The following DYM variants were observed in gnomAD, a reference collection of about 807,000 sequenced individuals.
The protein encoded by DYM is dymeclin.
Under a neutral mutation model 93.1 loss-of-function variants are expected in DYM, and 78 were observed. The ratio of observed to expected loss-of-function variants is 0.84; its 90% CI spans 0.70 to 1.01. The LOEUF (loss-of-function observed/expected upper bound fraction) is 1.01. Ranked by LOEUF, DYM falls within the 50% of genes least tolerant of loss-of-function variation. The pLI, the probability that DYM is intolerant of heterozygous loss-of-function variation, is 0.00. For synonymous variants in DYM, 321 were observed against 319.7 expected (o/e 1.00, Z -0.04); for missense variants, 789 against 845.0 (o/e 0.93, Z 0.82).
chr18:49,399,931 TTTC>T lies in DYM; in HGVS notation c.141-8289_141-8287del, dbSNP rs1388064820. Among the ~76,000 whole-genome samples, 476 of 131,322 alleles carry T rather than the reference TTTC, an allele frequency of 3.6e-3. 2 individuals are homozygous for T. Among genetic ancestry groups the T allele is most frequent in the African/African-American group, 0.011 (401 of 35,602 alleles). 86.2% of individuals were successfully genotyped at this position (131,322 alleles called of 152,430 possible). A position where few individuals can be genotyped will look rare whatever the true frequency, so the allele number is the denominator to read the frequency against. ...TTTTTAAAAGACATTTATTTTTATT[TTTC>T]TTTTTTTTTTTTTTTTTTTTTTTTT... On this transcript the variant is annotated intron_variant, in intron 2 of 17. Coordinates refer to ENST00000675505, the MANE Select transcript of DYM (RefSeq NM_001353214.3).
chr18:49,100,667 A>T lies in DYM; in HGVS notation c.1912-3152T>A, dbSNP rs117289810. Among the ~76,000 whole-genome samples, 258 of 152,336 alleles carry T rather than the reference A, an allele frequency of 1.7e-3. 1 individual carries two copies. The highest frequency in any genetic ancestry group is 3.0e-3 in the Non-Finnish European group (204 of 68,020). On this transcript the variant is annotated intron_variant, in intron 16 of 17. Transcript: ENST00000675505. Reference sequence around the variant, plus strand: ...AAGGGAAGTATAATTTATGTGTCAAAACCGAAGGAAACAAATCTATCCTGA... The same window carrying T: ...AAGGGAAGTATAATTTATGTGTCAATACCGAAGGAAACAAATCTATCCTGA...
At chr18:49,063,661 T>C (rs2076173867) in intron 17 of DYM, among the ~76,000 whole-genome samples, 1 of 150,050 alleles carries the variant, frequency 6.7e-6, no homozygotes, top group African/African-American at 2.5e-5. Flanking sequence ...AGTTTAGCTC[T>C]TGTCGCCCAG....
At chr18:49,232,081 T>C (rs2093710795) in intron 13 of DYM, among the ~76,000 whole-genome samples, 1 of 152,214 alleles carries the variant, frequency 6.6e-6, no homozygotes, top group Admixed American at 6.5e-5. Flanking sequence ...ACATGTGATT[T>C]TCATGTTCCC....
At chr18:49,139,815 C>T (rs1230288967) in intron 15 of DYM, among the ~76,000 whole-genome samples, 1 of 152,162 alleles carries the variant, frequency 6.6e-6, no homozygotes, top group Non-Finnish European at 1.5e-5. Flanking sequence ...TTCCCTTTGA[C>T]TGACAAATTT....
intron 10 of DYM, among the ~76,000 whole-genome samples, chr18:49,273,828 T>C (rs183608164): frequency 2.7e-4 from 41 of 151,966 alleles, no homozygotes; most frequent in African/African-American, 9.4e-4. Flanking sequence ...TTTTTTTTTT[T>C]TTTGGCTACG....
intron 1 of DYM, among the ~76,000 whole-genome samples, chr18:49,446,268 AAG>A (rs538869231): frequency 6.6e-6 from 1 of 151,728 alleles, no homozygotes; most frequent in South Asian, 2.1e-4. Flanking sequence ...CCAAAAGAAA[AAG>A]AGAGAGAGAG....
At chr18:49,398,962 A>G (rs532165181) in intron 2 of DYM, among the ~76,000 whole-genome samples, 20 of 152,340 alleles carry the variant, frequency 1.3e-4, no homozygotes, top group Non-Finnish European at 2.6e-4. Flanking sequence ...CACTTTCTTC[A>G]GTCAATGGCA....
chr18:49,160,744 A>C (rs535687782), intron 15 of DYM, among the ~76,000 whole-genome samples: 5 of 152,346 alleles, frequency 3.3e-5, no homozygotes, highest in African/African-American at 1.2e-4. Context: ...GTGAAAGAAA[A>C]GGAAGGAACA....
At chr18:49,315,624 A>C (rs753020473) in intron 8 of DYM, among the ~76,000 whole-genome samples, 2 of 152,270 alleles carry the variant, frequency 1.3e-5, no homozygotes, top group Non-Finnish European at 2.9e-5. Context: ...GTGATTTTAA[A>C]AAATCTTTCA....
chr18:49,303,329 A>G (rs1360359081), intron 8 of DYM, among the ~76,000 whole-genome samples: 1 of 152,134 alleles, frequency 6.6e-6, no homozygotes, highest in African/African-American at 2.4e-5. Context: ...TGTTGTCACT[A>G]CATTTAAGGT....
chr18:49,449,581 G>A (rs1427620473), intron 1 of DYM, among the ~76,000 whole-genome samples: 2 of 152,154 alleles, frequency 1.3e-5, no homozygotes, highest in African/African-American at 4.8e-5. Context: ...TGAGCTAATG[G>A]GAAGGGAACC....
At position 49,151,020 on chromosome 18, in the gene DYM, T is replaced by C. The variant is rs2085756757; in HGVS notation, c.1728+12665A>G. Among the ~76,000 whole-genome samples, 3 of 152,222 alleles carry C rather than the reference T, an allele frequency of 2.0e-5. 1 individual carries two copies. The South Asian group carries it at 6.2e-4, about 32-fold the overall frequency. ...AAATCAACACATTCCAATCATGGAA[T>C]GACCTCCAACAACCATCAAAGCACA... On this transcript the variant is annotated intron_variant, in intron 15 of 17. Transcript: ENST00000675505.
intron 13 of DYM, among the ~76,000 whole-genome samples, chr18:49,212,423 A>G (rs1004037096): frequency 6.6e-6 from 1 of 152,210 alleles, no homozygotes; most frequent in Non-Finnish European, 1.5e-5. Context: ...ACAATAGTAA[A>G]GCAAATGTGG....
At chr18:49,446,453 T>G (rs757356380) in intron 1 of DYM, among the ~76,000 whole-genome samples, 2 of 152,220 alleles carry the variant, frequency 1.3e-5, no homozygotes, top group Non-Finnish European at 2.9e-5. Flanking sequence ...AGAATGAGCT[T>G]TACTATTTCA....
At chr18:49,432,329 C>CAAAAAAAAAAAAAAAAAAAAAAAAAA (rs11429840) in intron 1 of DYM, among the ~76,000 whole-genome samples, 4 of 75,830 alleles carry the variant, frequency 5.3e-5, no homozygotes, top group Non-Finnish European at 1.1e-4. Flanking sequence ...AAGACTGTCT[C>CAAAAAAAAAAAAAAAAAAAAAAAAAA]AAAAAAAAAA....
At chr18:49,411,330 T>A (rs1389271283) in intron 2 of DYM, among the ~76,000 whole-genome samples, 2 of 152,150 alleles carry the variant, frequency 1.3e-5, no homozygotes, top group African/African-American at 4.8e-5. Flanking sequence ...ATTCCAATCA[T>A]GCAAAAATTA....
At chr18:49,063,619 CTTTTTTTTTTTT>C (rs67482709) in intron 17 of DYM, among the ~76,000 whole-genome samples, 6 of 71,966 alleles carry the variant, frequency 8.3e-5, no homozygotes, top group South Asian at 5.9e-4. Flanking sequence ...CTTTCTCTCT[CTTTTTTTTTTTT>C]TTTTTTTTTT....
At chr18:49,131,603 G>A (rs117084421) in intron 15 of DYM, among the ~76,000 whole-genome samples, 4,496 of 152,194 alleles carry the variant, frequency 0.03, 126 homozygotes, top group Non-Finnish European at 0.043. Flanking sequence ...TTCATTAAAG[G>A]TCCTGTCTCC....
chr18:49,290,281 A>G (rs1236136689), intron 8 of DYM, among the ~76,000 whole-genome samples: 1 of 152,124 alleles, frequency 6.6e-6, no homozygotes, highest in Non-Finnish European at 1.5e-5. Context: ...AATACCGTTA[A>G]GTGAAAAAAA....
Sources: gnomAD v4.1 joint callset for allele counts (sites outside exome capture counted in the v4.1 genomes callset) on GRCh38, gnomAD v4.1.1 for gene constraint, MANE v1.5 for transcripts, NCBI Gene and HGNC (gene_info 2026-07-23, HGNC 2026-07-21) for gene names.